Variants in TNIP3 observed in about 807,000 individuals in gnomAD.
TNIP3 encodes TNFAIP3 interacting protein 3.
Under a neutral mutation model 54.1 loss-of-function variants are expected in TNIP3, and 34 were observed. That is an observed-to-expected ratio of 0.63 (90% confidence interval 0.48 to 0.84). The LOEUF (loss-of-function observed/expected upper bound fraction) is 0.84, where lower values mean the gene tolerates loss of function less well. TNIP3 is among the 40% of genes least tolerant of loss of function. The pLI, the probability that TNIP3 is intolerant of heterozygous loss-of-function variation, is 0.00. For missense variants in TNIP3, 366 were observed against 387.6 expected (o/e 0.94, Z 0.47); for synonymous variants, 134 against 136.8 (o/e 0.98, Z 0.14).
At chr4:121,198,528 G>A (rs917952948) in intron 2 of TNIP3, among the ~76,000 whole-genome samples, 27 of 152,148 alleles carry the variant, frequency 1.8e-4, no homozygotes, top group African/African-American at 6.5e-4. Context: ...TTAGTGGTGA[G>A]CATATTATGT....
chr4:121,160,005 T>G (rs1239862968), intron 2 of TNIP3, among the ~76,000 whole-genome samples: 2 of 152,196 alleles, frequency 1.3e-5, no homozygotes, highest in Admixed American at 6.5e-5. Flanking sequence ...TGTATAATAT[T>G]ATTATATTGA....
At chr4:121,149,269 G>A (rs1729601933) in intron 6 of TNIP3, among the ~76,000 whole-genome samples, 1 of 152,170 alleles carries the variant, frequency 6.6e-6, no homozygotes, top group South Asian at 2.1e-4. Flanking sequence ...GAATGCTCTT[G>A]TGCATCAGTG....
upstream of TNIP3, among the ~76,000 whole-genome samples, chr4:121,217,092 T>G (rs745955591): frequency 1.3e-5 from 2 of 152,236 alleles, no homozygotes; most frequent in African/African-American, 2.4e-5. Flanking sequence ...AAGTTTCACT[T>G]AAGTTTGGTG....
At chr4:121,186,262 C>T (rs1268449136) in intron 2 of TNIP3, among the ~76,000 whole-genome samples, 2 of 152,100 alleles carry the variant, frequency 1.3e-5, no homozygotes, top group Non-Finnish European at 2.9e-5. Flanking sequence ...AGAGAGTGGG[C>T]GTCAGTGTTG....
intron 2 of TNIP3, among the ~76,000 whole-genome samples, chr4:121,193,864 C>T (rs190037332): frequency 2.6e-5 from 4 of 152,108 alleles, no homozygotes; most frequent in Non-Finnish European, 5.9e-5. Context: ...AATCTAATTA[C>T]AAGGAAACAT....
At chr4:121,178,609 C>T (rs548115314) in intron 3 of TNIP3, among the ~76,000 whole-genome samples, 1 of 152,284 alleles carries the variant, frequency 6.6e-6, no homozygotes, top group East Asian at 1.9e-4. Context: ...CAGTCAATAA[C>T]TTCATGACAC....
upstream of TNIP3, among the ~76,000 whole-genome samples, chr4:121,216,899 C>T (rs545120619): frequency 6.6e-6 from 1 of 152,118 alleles, no homozygotes; most frequent in East Asian, 1.9e-4. Flanking sequence ...GCCTACTGAC[C>T]CCAGGACACC....
intron 9 of TNIP3, among the ~76,000 whole-genome samples, chr4:121,140,821 T>G (rs555216499): frequency 6.6e-6 from 1 of 152,252 alleles, no homozygotes; most frequent in East Asian, 1.9e-4. Context: ...CGCAATAACA[T>G]GAAAAGACTC....
In TNIP3 at chr4:121,141,849, G is replaced by T. The variant is rs746547589; in HGVS notation, c.852C>A (p.Gly284=). The T allele has an allele frequency of 8.8e-6, 14 of 1,598,830 alleles. No individual in the cohort carries two copies. The highest frequency in any genetic ancestry group is 1.2e-5 in the Non-Finnish European group (14 of 1,172,660). ...FHLQDPWVPT[G]PGAVQKQREH... is the part of the protein sequence containing the mutation. The stretch of plus-strand genomic sequence containing the variant: ...CCCGTTGCTTCTGCACAGCTCCAGG[G>T]CCTGTTGGTACCCATGGATCTTGCA... Residue 284 remains glycine (G), a synonymous_variant, in exon 9 of 11, where the codon GGC becomes GGA. Transcript: ENST00000057513.
intron 2 of TNIP3, among the ~76,000 whole-genome samples, chr4:121,184,477 G>T (rs973451977): frequency 1.3e-5 from 2 of 152,180 alleles, no homozygotes; most frequent in Non-Finnish European, 2.9e-5. Flanking sequence ...TCTCCTCTGT[G>T]TCTGGAGTGA....
At chr4:121,199,680 G>T (rs369270083) in intron 2 of TNIP3, among the ~76,000 whole-genome samples, 8 of 152,224 alleles carry the variant, frequency 5.3e-5, no homozygotes, top group African/African-American at 1.4e-4. Flanking sequence ...GAGAAGAATG[G>T]CCTGGAGAAG....
chr4:121,204,045 A>T (rs554391163), intron 2 of TNIP3, among the ~76,000 whole-genome samples: 1 of 151,688 alleles, frequency 6.6e-6, no homozygotes, highest in African/African-American at 2.4e-5. Flanking sequence ...TTTATGAAAA[A>T]ATCTCTGACT....
chr4:121,212,710 T>C (rs1206441871), intron 2 of TNIP3, among the ~76,000 whole-genome samples: 1 of 152,190 alleles, frequency 6.6e-6, no homozygotes, highest in Admixed American at 6.5e-5. Flanking sequence ...GGAAGATACA[T>C]TTTCAGGGAT....
At chr4:121,140,193 G>A (rs1047421171) in intron 9 of TNIP3, among the ~76,000 whole-genome samples, 10 of 152,134 alleles carry the variant, frequency 6.6e-5, no homozygotes, top group African/African-American at 1.7e-4. Flanking sequence ...AATTAGCCAC[G>A]TGTGGTGGTG....
chr4:121,165,875 A>G (rs1022678233), upstream of TNIP3, among the ~76,000 whole-genome samples: 3 of 152,222 alleles, frequency 2.0e-5, no homozygotes, highest in Non-Finnish European at 4.4e-5. Context: ...GATTTCCTGA[A>G]CTGACACTTT....
chr4:121,172,037 T>C (rs74812416), intron 3 of TNIP3, among the ~76,000 whole-genome samples: 3,334 of 152,234 alleles, frequency 0.022, 78 homozygotes, highest in Admixed American at 0.036. Context: ...CTGGCCCCTA[T>C]TCCCCTACTT....
intron 3 of TNIP3, among the ~76,000 whole-genome samples, chr4:121,174,751 G>A (rs913925497): frequency 1.3e-5 from 2 of 151,568 alleles, no homozygotes; most frequent in African/African-American, 2.4e-5. Flanking sequence ...TACATACTTT[G>A]TGAGTTATGC....
rs904211268 is a variant in TNIP3, at chr4:121,131,533, T to A, written c.*1098A>T. ...ACTATAAATCCATATGTCTGAAATA[T>A]TTCTGTAAGTATATATGGACACAGC... On this transcript the variant is annotated 3_prime_UTR_variant, in exon 11 of 11. Coordinates refer to ENST00000057513, the MANE Select transcript of TNIP3 (RefSeq NM_024873.6). 3.3e-5 allele frequency: 5 copies of A among 151,592 alleles called. No individual in the cohort carries two copies. The highest frequency in any genetic ancestry group is 7.4e-5 in the Non-Finnish European group (5 of 67,922). The allele number at this position is 151,592 out of a possible 1,614,324, so 9.4% of individuals were successfully genotyped here. A position where few individuals can be genotyped will look rare whatever the true frequency, so the allele number is the denominator to read the frequency against.
At chr4:121,207,838 G>T (rs1362241579) in intron 2 of TNIP3, among the ~76,000 whole-genome samples, 1 of 152,080 alleles carries the variant, frequency 6.6e-6, no homozygotes, top group Non-Finnish European at 1.5e-5. Flanking sequence ...AACCTGATAT[G>T]GTTTGGCTGT....
Sources: gnomAD v4.1 joint callset for allele counts (sites outside exome capture counted in the v4.1 genomes callset) on GRCh38, gnomAD v4.1.1 for gene constraint, MANE v1.5 for transcripts, NCBI Gene and HGNC (gene_info 2026-07-23, HGNC 2026-07-21) for gene names.